The following UBE2G1 variants were observed in gnomAD, a reference collection of about 807,000 sequenced individuals.
UBE2G1 encodes the protein ubiquitin conjugating enzyme E2 G1, also known as ubiquitin-conjugating enzyme E2 G1.
UBE2G1 carries 5 observed loss-of-function variants against 22.7 expected under a neutral mutation model. That is an observed-to-expected ratio of 0.22 (90% CI 0.12 to 0.46). The LOEUF (loss-of-function observed/expected upper bound fraction) is 0.46. UBE2G1 is among the 20% of genes least tolerant of loss of function. The pLI is 0.99. For synonymous variants in UBE2G1, 74 were observed against 67.5 expected, an observed-to-expected ratio of 1.10 and a Z score of -0.47; for missense variants, 88 against 203.9, an observed-to-expected ratio of 0.43 and a Z score of 3.46.
chr17:4,349,512 TAA>T (rs56660928), intron 1 of UBE2G1, among the ~76,000 whole-genome samples: 21 of 151,476 alleles, frequency 1.4e-4, no homozygotes, highest in Non-Finnish European at 1.9e-4. Flanking sequence ...GCATTGTTTT[TAA>T]AAAAAAAACA....
At position 4,302,235 on chromosome 17, in the gene UBE2G1, G is replaced by A. The variant is rs563619908; in HGVS notation, c.149+4786C>T. 6.3e-6 allele frequency: 3 copies of A among 477,824 alleles called. No individual in the cohort carries two copies. The East Asian group carries it at 1.7e-4, about 26-fold the overall frequency. 29.6% of individuals were successfully genotyped at this position (477,824 alleles called of 1,614,324 possible). ...TGCAATGAACAGTGTTGTATATGTCGTTATCAGCTCCCACACCCCAGTATT... is the reference window on the plus strand; with the variant it reads ...TGCAATGAACAGTGTTGTATATGTCATTATCAGCTCCCACACCCCAGTATT... On this transcript the variant is annotated intron_variant, in intron 2 of 5. Coordinates refer to ENST00000396981, the MANE Select transcript of UBE2G1 (RefSeq NM_003342.5).
chr17:4,359,003 T>C (rs1442195091), intron 1 of UBE2G1, among the ~76,000 whole-genome samples: 1 of 151,908 alleles, frequency 6.6e-6, no homozygotes, highest in Non-Finnish European at 1.5e-5. Flanking sequence ...TTGCCTAGCA[T>C]TACTCTGTCT....
At chr17:4,360,170 T>C (rs1353600753) in intron 1 of UBE2G1, among the ~76,000 whole-genome samples, 3 of 152,206 alleles carry the variant, frequency 2.0e-5, no homozygotes, top group African/African-American at 4.8e-5. Context: ...TGAAAAGTTA[T>C]TTCCTACAAA....
At chr17:4,281,593 C>G (rs1968892925) in intron 5 of UBE2G1, among the ~76,000 whole-genome samples, 1 of 152,140 alleles carries the variant, frequency 6.6e-6, no homozygotes. Context: ...ATAGGTCTTA[C>G]GAATCATCTG....
chr17:4,351,232 A>G (rs1969841958), intron 1 of UBE2G1, among the ~76,000 whole-genome samples: 1 of 152,118 alleles, frequency 6.6e-6, no homozygotes, highest in African/African-American at 2.4e-5. Context: ...AGGGTATGTA[A>G]GAACTCACTG....
At chr17:4,293,275 A>G (rs1969066106) in intron 3 of UBE2G1, among the ~76,000 whole-genome samples, 1 of 152,176 alleles carries the variant, frequency 6.6e-6, no homozygotes, top group Non-Finnish European at 1.5e-5. Context: ...ACTTAATATA[A>G]TGTTTCCAAG....
rs1969999676 is a variant in UBE2G1, at chr17:4,363,960, A to G, written c.46+2311T>C. ...AGTAAGACTCCGTCTCAAAAAAAAA[A>G]AAAAAAAAAAAAAAAAAGATGCAGA... On this transcript the variant is annotated intron_variant, in intron 1 of 5. Transcript: ENST00000396981. Among the ~76,000 whole-genome samples the G allele has an allele frequency of 4.2e-5, 6 of 142,368 alleles. No individual in the cohort carries two copies. In the South Asian group the frequency reaches 1.3e-3, roughly 32 times the overall value. The allele number at this position is 142,368 out of a possible 152,430, so 93.4% of individuals were successfully genotyped here.
rs1197544530 is a variant in UBE2G1, at chr17:4,270,530, A to T, written c.*2024T>A. On this transcript the variant is annotated 3_prime_UTR_variant, in exon 6 of 6. Coordinates refer to ENST00000396981, the MANE Select transcript of UBE2G1 (RefSeq NM_003342.5). ...TTGCCACTGCACTCCAGCCTGGGTG[A>T]CAGAGAGACCCAGTTTCTTAAAAAA... 1.3e-5 allele frequency: 2 copies of T among 148,986 alleles called. No individual in the cohort carries two copies. The highest frequency in any genetic ancestry group is 2.5e-5 in the African/African-American group (1 of 40,238). The allele number at this position is 148,986 out of a possible 1,614,324, so 9.2% of individuals were successfully genotyped here. A position where few individuals can be genotyped will look rare whatever the true frequency, so the allele number is the denominator to read the frequency against.
intron 1 of UBE2G1, among the ~76,000 whole-genome samples, chr17:4,314,533 T>G (rs1969345626): frequency 6.6e-6 from 1 of 152,236 alleles, no homozygotes; most frequent in South Asian, 2.1e-4. Context: ...ACATTTAGTG[T>G]GATCCTTTTT....
At chr17:4,316,281 G>A (rs983149428) in intron 1 of UBE2G1, among the ~76,000 whole-genome samples, 4 of 152,088 alleles carry the variant, frequency 2.6e-5, no homozygotes, top group African/African-American at 9.7e-5. Flanking sequence ...GTATATGTCT[G>A]TAAAGTAACT....
chr17:4,273,563 T>G (rs1194375086), intron 5 of UBE2G1, among the ~76,000 whole-genome samples: 1 of 152,034 alleles, frequency 6.6e-6, no homozygotes. Context: ...AGGCTGGTCT[T>G]GAACTACAGG....
chr17:4,296,920 T>C, intron 2 of UBE2G1, 106 bp from the exon 3 acceptor site: 1 of 931,000 alleles, frequency 1.1e-6, no homozygotes, highest in Admixed American at 2.3e-5. Flanking sequence ...ACATCAAAAA[T>C]GAAGTAAACA....
chr17:4,293,991 T>G (rs1969074675), intron 3 of UBE2G1, among the ~76,000 whole-genome samples: 1 of 152,238 alleles, frequency 6.6e-6, no homozygotes, highest in Non-Finnish European at 1.5e-5. Context: ...GAGAAACCTA[T>G]TACATAGCTT....
intron 1 of UBE2G1, among the ~76,000 whole-genome samples, chr17:4,340,223 A>G (rs1204189469): frequency 1.3e-5 from 2 of 152,180 alleles, no homozygotes; most frequent in Non-Finnish European, 2.9e-5. Flanking sequence ...GCCCAACCTA[A>G]TAAAACTTAT....
chr17:4,298,845 G>A (rs950238746), intron 2 of UBE2G1, among the ~76,000 whole-genome samples: 2 of 152,176 alleles, frequency 1.3e-5, no homozygotes, highest in African/African-American at 4.8e-5. Context: ...GCCCACCATA[G>A]CGCCTTACTT....
intron 1 of UBE2G1, among the ~76,000 whole-genome samples, chr17:4,315,170 G>C (rs1419012687): frequency 6.6e-6 from 1 of 152,124 alleles, no homozygotes; most frequent in African/African-American, 2.4e-5. Flanking sequence ...TAGGTGAAAC[G>C]AGGCTGATCC....
chr17:4,284,973 G>T (rs1221262216), intron 4 of UBE2G1, among the ~76,000 whole-genome samples: 2 of 151,288 alleles, frequency 1.3e-5, no homozygotes, highest in Admixed American at 1.3e-4. Context: ...AGCCTCCGAA[G>T]CGTCTAGGAC....
At chr17:4,291,181 A>C (rs1489842874) in intron 3 of UBE2G1, among the ~76,000 whole-genome samples, 1 of 152,036 alleles carries the variant, frequency 6.6e-6, no homozygotes, top group Non-Finnish European at 1.5e-5. Flanking sequence ...GCCAACATGG[A>C]GAAATCCCAT....
At chr17:4,306,457 G>A (rs1969249936) in intron 2 of UBE2G1, among the ~76,000 whole-genome samples, 1 of 152,002 alleles carries the variant, frequency 6.6e-6, no homozygotes, top group Non-Finnish European at 1.5e-5. Context: ...CTAAAGTGCT[G>A]GGATTGCAGG....
Sources: allele counts gnomAD v4.1 joint callset (sites outside exome capture counted in the v4.1 genomes callset), GRCh38; gene constraint gnomAD v4.1.1; transcripts MANE v1.5; gene names NCBI Gene and HGNC (gene_info 2026-07-23, HGNC 2026-07-21).